The following DACH2 variants were observed in gnomAD, a reference collection of about 807,000 sequenced individuals.
The protein encoded by DACH2 is dachshund family transcription factor 2, also known as dachshund homolog 2.
Under a neutral mutation model 35.8 loss-of-function variants are expected in DACH2, and 17 were observed. That is an observed-to-expected ratio of 0.48 (90% CI 0.33 to 0.71). The LOEUF is 0.71. Among genes scored for constraint, DACH2 ranks in the 30% least tolerant of loss-of-function variants. DACH2 has a pLI of 0.02. For synonymous variants in DACH2, 195 were observed against 177.3 expected (o/e 1.10, Z -0.79); for missense variants, 469 against 472.7 (o/e 0.99, Z 0.07).
intron 1 of DACH2, among the ~76,000 whole-genome samples, chrX:86,199,159 A>G (rs2032075432): frequency 9.0e-6 from 1 of 111,611 alleles, no homozygotes; most frequent in African/African-American, 3.3e-5. Flanking sequence ...AAGTAAAGAA[A>G]AAAACCACAT....
At chrX:86,783,106 G>T (rs1602943817) in intron 7 of DACH2, among the ~76,000 whole-genome samples, 1 of 111,664 alleles carries the variant, frequency 9.0e-6, no homozygotes, top group African/African-American at 3.2e-5. Context: ...AAGGGCAAAA[G>T]ATTTGAACAG....
chrX:86,779,025 C>T (rs1376809674), intron 7 of DACH2, among the ~76,000 whole-genome samples: 1 of 111,871 alleles, frequency 8.9e-6, no homozygotes, highest in East Asian at 2.8e-4. Context: ...ATTGCCTGCT[C>T]TTATGGAGAC....
intron 2 of DACH2, among the ~76,000 whole-genome samples, chrX:86,445,841 T>G (rs1272283258): frequency 9.0e-6 from 1 of 111,310 alleles, no homozygotes; most frequent in Non-Finnish European, 1.9e-5. Flanking sequence ...TGCAGCTGTT[T>G]ATTGTATAAA....
At chrX:86,726,440 G>T (rs2041470657) in intron 6 of DACH2, among the ~76,000 whole-genome samples, 1 of 111,046 alleles carries the variant, frequency 9.0e-6, no homozygotes, top group African/African-American at 3.3e-5. Context: ...AGTGAAGTCT[G>T]CTTATGCCTC....
intron 5 of DACH2, among the ~76,000 whole-genome samples, chrX:86,713,424 T>A (rs940459682): frequency 1.8e-5 from 2 of 111,280 alleles, no homozygotes; most frequent in Non-Finnish European, 3.8e-5. Context: ...CAAGGAAAAG[T>A]GAAGCGATTA....
At chrX:86,494,930 AAAG>A (rs2038145623) in intron 2 of DACH2, among the ~76,000 whole-genome samples, 1 of 113,027 alleles carries the variant, frequency 8.8e-6, no homozygotes, top group Non-Finnish European at 1.9e-5. Flanking sequence ...TAAAAAGTAA[AAAG>A]AAACAGGTGA....
chrX:86,261,266 C>T lies in DACH2; in HGVS notation c.488+112158C>T, dbSNP rs141171637. ...TAATTTTACTAGAAAGATTAAAACA[C>T]GTTTGCAGTGAAGGTAGTATGCAAA... is the stretch of plus-strand genomic sequence containing the variant. On this transcript the variant is annotated intron_variant, in intron 1 of 11. Coordinates refer to ENST00000373125, the MANE Select transcript of DACH2 (RefSeq NM_053281.3). Among the ~76,000 whole-genome samples the T allele has an allele frequency of 8.7e-3, 974 of 112,009 alleles. 13 individuals are homozygous for T. Among genetic ancestry groups the T allele is most frequent in the African/African-American group, 0.03 (919 of 30,874 alleles).
In DACH2 at chrX:86,615,765, A is replaced by ATTTAT. The variant is rs768603309; in HGVS notation, c.641-35253_641-35249dup. Among the ~76,000 whole-genome samples the ATTTAT allele has an allele frequency of 3.6e-5, 4 of 110,658 alleles. No individual in the cohort carries two copies. The Admixed American group carries it at 3.9e-4, about 11-fold the overall frequency. ...ACAGCAGCCATTTAACTGCCTACTG[A>ATTTAT]TTTATTTTATTTTATTTTATTTCAG... On this transcript the variant is annotated intron_variant, in intron 3 of 11. Coordinates refer to ENST00000373125, the MANE Select transcript of DACH2 (RefSeq NM_053281.3).
intron 2 of DACH2, among the ~76,000 whole-genome samples, chrX:86,468,380 A>C (rs2037707946): frequency 1.8e-5 from 2 of 111,039 alleles, no homozygotes; most frequent in Non-Finnish European, 1.9e-5. Context: ...GTGGCTTAGA[A>C]AGCTATCTCC....
intron 3 of DACH2, among the ~76,000 whole-genome samples, chrX:86,635,637 T>C (rs1400692429): frequency 9.0e-6 from 1 of 111,632 alleles, no homozygotes; most frequent in African/African-American, 3.3e-5. Context: ...AACCCCATAG[T>C]CTTGGCCCAA....
chrX:86,715,623 A>G (rs1021074431), intron 6 of DACH2, among the ~76,000 whole-genome samples: 1 of 111,820 alleles, frequency 8.9e-6, no homozygotes, highest in African/African-American at 3.3e-5. Flanking sequence ...TTATTGAGCA[A>G]TATGGGAAAT....
Position 86,229,608 on chromosome X carries a change from T to C in DACH2, c.488+80500T>C, listed in dbSNP as rs767090946. ...TTCTACCCATCCATAAGCATGGATA[T>C]GTTTCCATTTGTTTGTGTCATCTAT... On this transcript the variant is annotated intron_variant, in intron 1 of 11. Transcript: ENST00000373125. Among the ~76,000 whole-genome samples, 15 of 112,067 alleles carry C rather than the reference T, an allele frequency of 1.3e-4. No homozygotes were observed. In the South Asian group the frequency reaches 5.6e-3, roughly 42 times the overall value.
At chrX:86,427,151 C>A (rs936121129) in intron 2 of DACH2, among the ~76,000 whole-genome samples, 1 of 111,530 alleles carries the variant, frequency 9.0e-6, no homozygotes, top group Non-Finnish European at 1.9e-5. Flanking sequence ...CTGAGCCAGA[C>A]TGCCCTTTAT....
chrX:86,459,838 T>C (rs768084269), intron 2 of DACH2, among the ~76,000 whole-genome samples: 1 of 105,010 alleles, frequency 9.5e-6, no homozygotes, highest in Non-Finnish European at 2.0e-5. Flanking sequence ...GTAAAACAAA[T>C]GCCATTAATG....
chrX:86,336,537 G>T (rs1442613596), intron 1 of DACH2, among the ~76,000 whole-genome samples: 1 of 111,687 alleles, frequency 9.0e-6, no homozygotes, highest in Non-Finnish European at 1.9e-5. Flanking sequence ...AAACAGAAAG[G>T]AAGAGCATAT....
chrX:86,761,249 G>GT (rs2041878792), intron 7 of DACH2, among the ~76,000 whole-genome samples: 1 of 110,340 alleles, frequency 9.1e-6, no homozygotes, highest in Non-Finnish European at 1.9e-5. Context: ...CTGTGTCCAT[G>GT]TGTTCTCATT....
At chrX:86,396,410 A>G (rs762687630) in intron 2 of DACH2, among the ~76,000 whole-genome samples, 569 of 95,203 alleles carry the variant, frequency 6.0e-3, no homozygotes, top group Non-Finnish European at 9.9e-3. Flanking sequence ...CCATTTGTCA[A>G]TTTTGGCTTT....
chrX:86,153,175 G>T (rs1162682198), intron 1 of DACH2, among the ~76,000 whole-genome samples: 2 of 111,005 alleles, frequency 1.8e-5, no homozygotes, highest in Non-Finnish European at 3.8e-5. Flanking sequence ...GAAGAAACAA[G>T]AAAGTATGAT....
intron 7 of DACH2, among the ~76,000 whole-genome samples, chrX:86,741,894 T>C (rs1419796726): frequency 9.0e-6 from 1 of 111,450 alleles, no homozygotes; most frequent in Non-Finnish European, 1.9e-5. Context: ...GTAGCTAACA[T>C]GTAATTTATC....
Sources: gnomAD v4.1 joint callset for allele counts (sites outside exome capture counted in the v4.1 genomes callset) on GRCh38, gnomAD v4.1.1 for gene constraint, MANE v1.5 for transcripts, NCBI Gene and HGNC (gene_info 2026-07-23, HGNC 2026-07-21) for gene names.